Variants in ENOX1 observed in about 807,000 individuals in gnomAD.
The protein encoded by ENOX1 is candidate growth-related and time keeping constitutive hydroquinone (NADH) oxidase.
In ENOX1, 42 loss-of-function variants were observed where a neutral mutation model predicts 82.5. The ratio of observed to expected loss-of-function variants is 0.51; its 90% CI spans 0.40 to 0.66. The LOEUF (loss-of-function observed/expected upper bound fraction) is 0.66. ENOX1 is among the 30% of genes least tolerant of loss of function. ENOX1 has a pLI of 0.00. For missense variants in ENOX1, 608 were observed against 811.6 expected, an observed-to-expected ratio of 0.75 and a Z score of 3.05; for synonymous variants, 271 against 282.2, an observed-to-expected ratio of 0.96 and a Z score of 0.40.
intron 3 of ENOX1, among the ~76,000 whole-genome samples, chr13:43,415,830 G>A (rs1465830943): frequency 7.3e-5 from 11 of 151,332 alleles, no homozygotes; most frequent in African/African-American, 2.4e-4. Flanking sequence ...TCCCAGACGG[G>A]GTGGCCGGGC....
At chr13:43,364,357 A>C (rs1443315108) in intron 5 of ENOX1, among the ~76,000 whole-genome samples, 1 of 152,206 alleles carries the variant, frequency 6.6e-6, no homozygotes, top group East Asian at 1.9e-4. Context: ...ACAGCAAGAA[A>C]GAATCCAATT....
intron 3 of ENOX1, among the ~76,000 whole-genome samples, chr13:43,466,904 T>C (rs1265790680): frequency 1.3e-5 from 2 of 152,226 alleles, no homozygotes; most frequent in African/African-American, 4.8e-5. Context: ...ATGTAGTCTG[T>C]GTGTCTGGCT....
intron 1 of ENOX1, among the ~76,000 whole-genome samples, chr13:43,773,568 A>C (rs1028204778): frequency 6.6e-6 from 1 of 152,148 alleles, no homozygotes; most frequent in Admixed American, 6.5e-5. Context: ...CCAAGCTTTC[A>C]CACATCTGGA....
rs376903625 is a variant in ENOX1 at position 43,527,327 on chromosome 13, T to C, written c.-218-43175A>G. On this transcript the variant is annotated intron_variant, in intron 2 of 16. Coordinates refer to ENST00000690772, the MANE Select transcript of ENOX1 (RefSeq NM_001347969.2). ...GCCAAACCTCATACTGTGTGCTTCA[T>C]ATTCACAATGTCACAACAACTACAT... Among the ~76,000 whole-genome samples, 7 of 152,258 alleles carry C rather than the reference T, an allele frequency of 4.6e-5. No homozygotes were observed. The East Asian group carries it at 1.4e-3, about 29-fold the overall frequency.
At chr13:43,452,076 C>G in intron 3 of ENOX1, among the ~76,000 whole-genome samples, 1 of 152,088 alleles carries the variant, frequency 6.6e-6, no homozygotes. Context: ...TTTAACAGTA[C>G]GTATTAAATG....
chr13:43,343,350 C>T (rs1594048978), intron 9 of ENOX1, among the ~76,000 whole-genome samples: 4 of 152,168 alleles, frequency 2.6e-5, no homozygotes, highest in South Asian at 4.1e-4. Flanking sequence ...TTCCTCAAGG[C>T]TGGTGAATCT....
chr13:43,225,062 A>T (rs764161525), intron 15 of ENOX1, among the ~76,000 whole-genome samples: 7 of 152,252 alleles, frequency 4.6e-5, no homozygotes, highest in Non-Finnish European at 1.0e-4. Flanking sequence ...AAAACGTGGT[A>T]TGAACCATGG....
At chr13:43,412,141 C>G in intron 4 of ENOX1, 88 bp from the exon 5 acceptor site, 1 of 1,416,634 alleles carries the variant, frequency 7.1e-7, no homozygotes. Context: ...TGTGAGGCTT[C>G]ATTTAGCACA....
intron 1 of ENOX1, among the ~76,000 whole-genome samples, chr13:43,715,175 A>C (rs1469716923): frequency 2.0e-5 from 3 of 152,178 alleles, no homozygotes; most frequent in African/African-American, 7.2e-5. Flanking sequence ...TATGAAGCTT[A>C]GTTTGGCTGG....
chr13:43,674,355 G>C (rs891654770), intron 1 of ENOX1, among the ~76,000 whole-genome samples: 2 of 152,138 alleles, frequency 1.3e-5, no homozygotes, highest in East Asian at 3.9e-4. Context: ...AGGGTGATGA[G>C]AGGCTAGAAA....
chr13:43,756,972 CAAAAA>C (rs1164153402), intron 1 of ENOX1, among the ~76,000 whole-genome samples: 22 of 28,060 alleles, frequency 7.8e-4, no homozygotes, highest in South Asian at 3.3e-3. Flanking sequence ...AAAACAACAA[CAAAAA>C]AAAAAAAAAA....
At chr13:43,391,798 C>T (rs965346527) in intron 5 of ENOX1, among the ~76,000 whole-genome samples, 3 of 152,182 alleles carry the variant, frequency 2.0e-5, no homozygotes, top group Admixed American at 6.5e-5. Flanking sequence ...TCTATTCCTA[C>T]CCCACTTCCC....
intron 2 of ENOX1, among the ~76,000 whole-genome samples, chr13:43,577,570 G>GAAAGA (rs906328582): frequency 6.6e-6 from 1 of 152,190 alleles, no homozygotes; most frequent in African/African-American, 2.4e-5. Flanking sequence ...AAGGGCAAAA[G>GAAAGA]AAAGAAAAGA....
At chr13:43,307,267 C>T (rs1273300277) in intron 11 of ENOX1, among the ~76,000 whole-genome samples, 2 of 152,200 alleles carry the variant, frequency 1.3e-5, no homozygotes, top group African/African-American at 4.8e-5. Flanking sequence ...AAATGTATAA[C>T]CAAGGTGGGA....
At chr13:43,602,829 G>A (rs1234935189) in intron 2 of ENOX1, among the ~76,000 whole-genome samples, 2 of 152,014 alleles carry the variant, frequency 1.3e-5, no homozygotes, top group Non-Finnish European at 2.9e-5. Flanking sequence ...TATGTGCACA[G>A]GATTGGAATA....
intron 8 of ENOX1, among the ~76,000 whole-genome samples, chr13:43,352,496 T>A (rs1474612422): frequency 6.6e-6 from 1 of 152,218 alleles, no homozygotes; most frequent in Non-Finnish European, 1.5e-5. Context: ...AAATTCATTA[T>A]CTCATCTGCC....
intron 1 of ENOX1, among the ~76,000 whole-genome samples, chr13:43,711,254 AT>A (rs1192317942): frequency 2.0e-5 from 3 of 151,766 alleles, no homozygotes; most frequent in Admixed American, 6.6e-5. Flanking sequence ...TGAACTCATC[AT>A]TTTTTATGGC....
intron 2 of ENOX1, among the ~76,000 whole-genome samples, chr13:43,564,473 G>C (rs1250034353): frequency 2.0e-5 from 3 of 151,918 alleles, no homozygotes; most frequent in African/African-American, 2.4e-5. Flanking sequence ...GGAATAGACG[G>C]AATTTGAGGA....
chr13:43,637,977 G>A (rs2083476476), intron 2 of ENOX1, among the ~76,000 whole-genome samples: 1 of 152,120 alleles, frequency 6.6e-6, no homozygotes, highest in Admixed American at 6.5e-5. Context: ...AGCAATAGAA[G>A]GGAAAAGGGT....
Sources: allele counts gnomAD v4.1 joint callset (sites outside exome capture counted in the v4.1 genomes callset), GRCh38; gene constraint gnomAD v4.1.1; transcripts MANE v1.5; gene names NCBI Gene and HGNC (gene_info 2026-07-23, HGNC 2026-07-21).